Variants in EIF4E1B observed in about 807,000 individuals in gnomAD.
The protein encoded by EIF4E1B is eukaryotic translation initiation factor 4E type 1B.
EIF4E1B carries 22 observed loss-of-function variants against 31.3 expected under a neutral mutation model. The ratio of observed to expected loss-of-function variants is 0.70; its 90% confidence interval spans 0.50 to 1.00. EIF4E1B has a LOEUF of 1.00. Ranked by LOEUF, EIF4E1B falls within the 50% of genes least tolerant of loss-of-function variation. The probability of loss-of-function intolerance (pLI) is 0.00; values close to 1 mark genes in which losing one functional copy is unlikely to be tolerated. For synonymous variants in EIF4E1B, 126 were observed against 120.2 expected, an observed-to-expected ratio of 1.05 and a Z score of -0.31; for missense variants, 290 against 311.6, an observed-to-expected ratio of 0.93 and a Z score of 0.52.
In EIF4E1B at chr5:176,642,864, C is replaced by CA. The variant is rs1174251126; in HGVS notation, c.15+62_15+63insA. 1,457 of 1,362,810 alleles carry CA rather than the reference C, an allele frequency of 1.1e-3. 121 individuals are homozygous for CA. The African/African-American group carries it at 0.021, about 19-fold the overall frequency. 84.4% of individuals were successfully genotyped at this position (1,362,810 alleles called of 1,614,324 possible). On this transcript the variant is annotated intron_variant, in intron 3 of 8. Transcript: ENST00000318682. ...GGCCCCGCCCTCTCCCCCCCCCCCC[C>CA]CGCCCCAGGTGGGCGGGGCAGGTGC... is the stretch of plus-strand genomic sequence containing the variant.
At position 176,642,753 on chromosome 5, in the gene EIF4E1B, C is replaced by A; in HGVS notation, c.-35C>A. 1 of 1,558,360 alleles carries A rather than the reference C, an allele frequency of 6.4e-7. No individual in the cohort carries two copies. The highest frequency in any genetic ancestry group is 2.4e-5 in the East Asian group (1 of 41,266). On this transcript the variant is annotated 5_prime_UTR_variant, in exon 3 of 9. Transcript: ENST00000318682. ...TGGGGCTTGGTCACAGCTGCTTCCC[C>A]AGCCCCAGGCCTGCACGAAGAAGGC... is the stretch of plus-strand genomic sequence containing the variant.
At chr5:176,640,289 T>C (rs1760552934) in intron 1 of EIF4E1B, among the ~76,000 whole-genome samples, 1 of 152,192 alleles carries the variant, frequency 6.6e-6, no homozygotes, top group Admixed American at 6.5e-5. Context: ...CACGTGTGAG[T>C]GAGCAGATGA....
chr5:176,642,860 C>CA lies in EIF4E1B; in HGVS notation c.15+58_15+59insA, dbSNP rs1026342887. On this transcript the variant is annotated intron_variant, in intron 3 of 8. Coordinates refer to ENST00000318682, the MANE Select transcript of EIF4E1B (RefSeq NM_001099408.2). ...CCATGGCCCCGCCCTCTCCCCCCCCCCCCCCGCCCCAGGTGGGCGGGGCAG... is the reference window on the plus strand; with the variant it reads ...CCATGGCCCCGCCCTCTCCCCCCCCCACCCCCGCCCCAGGTGGGCGGGGCAG... The CA allele has an allele frequency of 1.1e-3, 1,435 of 1,308,362 alleles. 45 individuals are homozygous for CA. The highest frequency in any genetic ancestry group is 1.2e-3 in the Non-Finnish European group (1,242 of 1,013,308). The allele number at this position is 1,308,362 out of a possible 1,614,324, so 81.0% of individuals were successfully genotyped here. A position where few individuals can be genotyped will look rare whatever the true frequency, so the allele number is the denominator to read the frequency against.
At chr5:176,644,958 C>CG (rs971331971) in intron 6 of EIF4E1B, among the ~76,000 whole-genome samples, 172 bp from the exon 7 acceptor site, 7 of 151,994 alleles carry the variant, frequency 4.6e-5, no homozygotes, top group African/African-American at 1.5e-4. Flanking sequence ...TGCTGTCTGT[C>CG]GGGGGGAGCT....
At chr5:176,635,088 G>A (rs1423576832) in intron 1 of EIF4E1B, among the ~76,000 whole-genome samples, 4 of 152,066 alleles carry the variant, frequency 2.6e-5, no homozygotes, top group South Asian at 4.1e-4. Context: ...GATCGTCCGG[G>A]GGTGCACGGA....
chr5:176,645,171 G>A lies in EIF4E1B; in HGVS notation c.402G>A (p.Arg134=), dbSNP rs200064281. Residue 134 remains arginine, a synonymous_variant, in exon 7 of 9, where the codon CGG becomes CGA. Transcript: ENST00000318682. The surrounding 1 kb of genome is among the most constrained non-coding windows in gnomAD (Gnocchi z 5.4). ...TGTGGGAGGACAGCAGGAATAAACGGGGTGGCCGCTGGCTGGTCAGCCTGG... is the reference window on the plus strand; with the variant it reads ...TGTGGGAGGACAGCAGGAATAAACGAGGTGGCCGCTGGCTGGTCAGCCTGG... ...QPMWEDSRNK[R]GGRWLVSLAK... The A allele has an allele frequency of 5.7e-6, 9 of 1,577,854 alleles. No individual in the cohort carries two copies. Among genetic ancestry groups the A allele is most frequent in the Non-Finnish European group, 7.7e-6 (9 of 1,161,964 alleles).
At chr5:176,633,552 C>T (rs1760444362) in intron 1 of EIF4E1B, among the ~76,000 whole-genome samples, 1 of 152,134 alleles carries the variant, frequency 6.6e-6, no homozygotes, top group South Asian at 2.1e-4. Context: ...TCAAATGATC[C>T]TCCCACCTCA....
At chr5:176,634,673 C>T (rs2358745) in intron 1 of EIF4E1B, among the ~76,000 whole-genome samples, 30,452 of 122,178 alleles carry the variant, frequency 0.25, 3,978 homozygotes, top group East Asian at 0.61. Context: ...TTTTTTTTTT[C>T]TTTTTTTTTT....
rs1554150402 is a variant in EIF4E1B, at chr5:176,634,672, TC to T, written c.-202+3609del. On this transcript the variant is annotated intron_variant, in intron 1 of 8. Transcript: ENST00000318682. ...ACAATTCCTGAAGTTTTTTTTTTTT[TC>T]TTTTTTTTTTTTTCGAGACAGAGTC... is the stretch of plus-strand genomic sequence containing the variant. 3.6e-3 allele frequency among the ~76,000 whole-genome samples: 465 copies of T among 130,686 alleles called. 1 individual carries two copies. The highest frequency in any genetic ancestry group is 0.012 in the African/African-American group (439 of 36,658). 85.7% of individuals were successfully genotyped at this position (130,686 alleles called of 152,430 possible).
At position 176,643,122 on chromosome 5, in the gene EIF4E1B, A is replaced by G. The variant is rs774936946; in HGVS notation, c.56A>G (p.Glu19Gly). ...AEGGIREWEEEEKEEEAAERT... is the reference protein window; with the variant it reads ...AEGGIREWEEGEKEEEAAERT... ...GGTGGAATCCGAGAGTGGGAGGAGG[A>G]GGAGAAGGAGGAGGAGGCAGCAGAG... is the stretch of plus-strand genomic sequence containing the variant. The change falls in exon 4 of 9, where the codon GAG (glutamate) becomes GGG (glycine). Residue 19 changes from glutamate to glycine, a missense_variant. Physicochemically the swap from Glu to Gly is moderately conservative, Grantham distance 98. Transcript: ENST00000318682. 1 of 1,613,534 alleles carries G rather than the reference A, an allele frequency of 6.2e-7. No homozygotes were observed. The highest frequency in any genetic ancestry group is 1.7e-5 in the Admixed American group (1 of 59,986).
chr5:176,641,914 G>A (rs1760586145), intron 1 of EIF4E1B, 129 bp from the exon 2 acceptor site: 1 of 152,560 alleles, frequency 6.6e-6, no homozygotes, highest in Non-Finnish European at 1.5e-5. Context: ...TCCCCAACCT[G>A]GGAGAACCCT....
intron 1 of EIF4E1B, among the ~76,000 whole-genome samples, chr5:176,635,544 G>A (rs138259024): frequency 2.6e-5 from 4 of 152,322 alleles, no homozygotes; most frequent in Non-Finnish European, 5.9e-5. Flanking sequence ...CAGGAAGTTC[G>A]TTTGGCTGCT....
chr5:176,639,544 G>A (rs1760543159), intron 1 of EIF4E1B, among the ~76,000 whole-genome samples: 1 of 152,152 alleles, frequency 6.6e-6, no homozygotes, highest in Non-Finnish European at 1.5e-5. Context: ...CTTCCGAGCT[G>A]GGCTCTGGGC....
chr5:176,645,984 G>A lies in EIF4E1B; in HGVS notation c.*4G>A. On this transcript the variant is annotated 3_prime_UTR_variant, in exon 9 of 9. Transcript: ENST00000318682. The surrounding 1 kb of genome is among the most constrained non-coding windows in gnomAD (Gnocchi z 5.4). The stretch of plus-strand genomic sequence containing the variant: ...CAAGAACAAGTTTGTGGTGTGAGGG[G>A]GGCCTTGGCACCCCTCCTATGTAAT... 6.3e-7 allele frequency: 1 copy of A among 1,595,202 alleles called. No individual in the cohort carries two copies. Among genetic ancestry groups the A allele is most frequent in the Non-Finnish European group, 8.5e-7 (1 of 1,171,046 alleles).
At chr5:176,634,089 G>A (rs1760454312) in intron 1 of EIF4E1B, among the ~76,000 whole-genome samples, 1 of 151,958 alleles carries the variant, frequency 6.6e-6, no homozygotes, top group South Asian at 2.1e-4. Flanking sequence ...TTTCTGGTTT[G>A]GACAATGGGG....
intron 6 of EIF4E1B, 119 bp downstream of exon 6, chr5:176,644,558 A>C: frequency 8.7e-7 from 1 of 1,146,996 alleles, no homozygotes; most frequent in Non-Finnish European, 1.2e-6. Context: ...ACCTCTCAGC[A>C]GAGTTGTGGT....
intron 1 of EIF4E1B, among the ~76,000 whole-genome samples, chr5:176,636,415 G>A (rs1362179882): frequency 6.6e-6 from 1 of 152,224 alleles, no homozygotes; most frequent in Non-Finnish European, 1.5e-5. Context: ...TACTAAGGAC[G>A]ATGACTCTGG....
chr5:176,637,260 G>A (rs1284834977), intron 1 of EIF4E1B, among the ~76,000 whole-genome samples: 10 of 152,174 alleles, frequency 6.6e-5, no homozygotes. Context: ...CCAACATGGT[G>A]AAACTCTGTC....
In EIF4E1B at chr5:176,638,724, C is replaced by G. The variant is rs780948802; in HGVS notation, c.-201-3319C>G. ...TGGATCGCCTAAGAACCTTGCAAGC[C>G]CAGGACCTGGACTTTGGATCACATC... is the stretch of plus-strand genomic sequence containing the variant. On this transcript the variant is annotated intron_variant, in intron 1 of 8. Transcript: ENST00000318682. The surrounding 1 kb of genome is among the most constrained non-coding windows in gnomAD (Gnocchi z 4.3). Among the ~76,000 whole-genome samples, 1 of 152,200 alleles carries G rather than the reference C, an allele frequency of 6.6e-6. No individual in the cohort carries two copies. The highest frequency in any genetic ancestry group is 1.5e-5 in the Non-Finnish European group (1 of 68,034).
Sources: allele counts gnomAD v4.1 joint callset (sites outside exome capture counted in the v4.1 genomes callset), GRCh38; gene constraint gnomAD v4.1.1; non-coding constraint Gnocchi (gnomAD v3.1); transcripts MANE v1.5; gene names NCBI Gene and HGNC (gene_info 2026-07-23, HGNC 2026-07-21).